The following CHN2 variants were observed in gnomAD, a reference collection of about 807,000 sequenced individuals.
The protein encoded by CHN2 is beta-chimaerin.
Under a neutral mutation model 56.3 loss-of-function variants are expected in CHN2, and 35 were observed. The observed-to-expected ratio is 0.62, with a 90% CI of 0.47 to 0.82. The LOEUF (loss-of-function observed/expected upper bound fraction) is 0.82. Among genes scored for constraint, CHN2 ranks in the 40% least tolerant of loss-of-function variants. The pLI, the probability that CHN2 is intolerant of heterozygous loss-of-function variation, is 0.00. For synonymous variants in CHN2, 210 were observed against 212.8 expected (o/e 0.99, Z 0.12); for missense variants, 491 against 580.5 (o/e 0.85, Z 1.58).
chr7:29,309,716 A>G (rs1794443087), intron 1 of CHN2, among the ~76,000 whole-genome samples: 1 of 152,226 alleles, frequency 6.6e-6, no homozygotes, highest in Non-Finnish European at 1.5e-5. Context: ...GCTGATGGGA[A>G]TAGGTTCTGG....
At chr7:29,289,686 GC>G (rs1433601163) in intron 1 of CHN2, among the ~76,000 whole-genome samples, 1 of 152,214 alleles carries the variant, frequency 6.6e-6, no homozygotes, top group Non-Finnish European at 1.5e-5. Context: ...ATATGCCCCA[GC>G]ACTTCCTACA....
intron 1 of CHN2, among the ~76,000 whole-genome samples, chr7:29,233,575 A>C (rs181390298): frequency 4.8e-4 from 73 of 152,262 alleles, no homozygotes; most frequent in Admixed American, 4.3e-3. Context: ...TTTTGAGATT[A>C]AGGAGATTAT....
chr7:29,455,315 G>T (rs756085819), intron 6 of CHN2, among the ~76,000 whole-genome samples: 2 of 152,198 alleles, frequency 1.3e-5, no homozygotes, highest in Non-Finnish European at 2.9e-5. Flanking sequence ...CATAATAAGA[G>T]TGTCAATCAG....
In CHN2 at chr7:29,212,407, C is replaced by A; in HGVS notation, c.49+17417C>A. 3 of 1,607,224 alleles carry A rather than the reference C, an allele frequency of 1.9e-6. No homozygotes were observed. The South Asian group carries it at 3.3e-5, about 18-fold the overall frequency. On this transcript the variant is annotated intron_variant, in intron 1 of 12. Transcript: ENST00000222792. ...ATTTGTGGGCCTGAAGAAAACTATC[C>A]ATCCTTGCAAATGTCTTCTGCTGAG...
chr7:29,498,866 A>T (rs572767307), intron 8 of CHN2, among the ~76,000 whole-genome samples: 13 of 144,740 alleles, frequency 9.0e-5, no homozygotes, highest in African/African-American at 3.1e-4. Context: ...GGTTCAAGTG[A>T]TTCTCCTGCC....
intron 6 of CHN2, among the ~76,000 whole-genome samples, chr7:29,403,754 T>C (rs913358970): frequency 1.3e-5 from 2 of 152,216 alleles, no homozygotes; most frequent in African/African-American, 4.8e-5. Context: ...AAAAACATTA[T>C]GATGTATGTG....
At chr7:29,431,873 T>C (rs13237641) in intron 6 of CHN2, among the ~76,000 whole-genome samples, 1 of 152,216 alleles carries the variant, frequency 6.6e-6, no homozygotes. Flanking sequence ...TTCCAGATGG[T>C]CCTGATGGCC....
intron 1 of CHN2, among the ~76,000 whole-genome samples, chr7:29,260,525 A>G (rs1243935824): frequency 1.3e-5 from 2 of 151,868 alleles, no homozygotes; most frequent in African/African-American, 4.8e-5. Context: ...GGGAATCTGG[A>G]GAAGGGGTGG....
chr7:29,321,358 G>A (rs1795330886), intron 1 of CHN2, among the ~76,000 whole-genome samples: 1 of 151,984 alleles, frequency 6.6e-6, no homozygotes, highest in Admixed American at 6.5e-5. Flanking sequence ...GGCACTAATA[G>A]GTAAGCTGAT....
chr7:29,290,884 AAAGG>A (rs1192431152), intron 1 of CHN2, among the ~76,000 whole-genome samples: 1 of 152,138 alleles, frequency 6.6e-6, no homozygotes, highest in African/African-American at 2.4e-5. Flanking sequence ...AACAGGAACA[AAAGG>A]AAGTAAAGGA....
Position 29,400,795 on chromosome 7 carries a change from C to T in CHN2, c.543C>T (p.Asn181=), listed in dbSNP as rs372063161. ...CTAAAAATGAACCAAGAAAAACAAA[C>T]GTCACACATGAAGAACACACAGCGG... is the stretch of plus-strand genomic sequence containing the variant. ...SRSKNEPRKT[N]VTHEEHTAVE... is the part of the protein sequence containing the mutation. The change falls in exon 6 of 13, where the codon AAC becomes AAT. Residue 181 remains asparagine, a synonymous_variant. Transcript: ENST00000222792. The T allele has an allele frequency of 5.0e-6, 8 of 1,613,842 alleles. No individual in the cohort carries two copies. Among genetic ancestry groups the T allele is most frequent in the African/African-American group, 4.0e-5 (3 of 74,878 alleles).
intron 6 of CHN2, among the ~76,000 whole-genome samples, chr7:29,403,835 A>G (rs1173302600): frequency 6.6e-6 from 1 of 152,260 alleles, no homozygotes; most frequent in Non-Finnish European, 1.5e-5. Flanking sequence ...CGCATTTCAG[A>G]ACTTATTCCA....
intron 2 of CHN2, among the ~76,000 whole-genome samples, chr7:29,154,612 T>G (rs1794079055): frequency 6.6e-6 from 1 of 152,114 alleles, no homozygotes; most frequent in Admixed American, 6.5e-5. Context: ...GGCAGGCAGA[T>G]TTCTTGAGGT....
chr7:29,261,174 T>G (rs1339236780), intron 1 of CHN2, among the ~76,000 whole-genome samples: 1 of 152,206 alleles, frequency 6.6e-6, no homozygotes, highest in Non-Finnish European at 1.5e-5. Flanking sequence ...TCTCCTATTA[T>G]TCTCCAAACA....
At chr7:29,418,378 C>G (rs1163807789) in intron 6 of CHN2, among the ~76,000 whole-genome samples, 1 of 152,188 alleles carries the variant, frequency 6.6e-6, no homozygotes, top group Admixed American at 6.5e-5. Flanking sequence ...AGAAAAGTTG[C>G]TGAGGGGCTT....
intron 1 of CHN2, among the ~76,000 whole-genome samples, chr7:29,273,343 G>A (rs56300362): frequency 1.4e-3 from 80 of 58,148 alleles, no homozygotes; most frequent in African/African-American, 3.9e-3. Context: ...ATATATATGT[G>A]TATATATATA....
At chr7:29,417,234 G>A (rs1242277728) in intron 6 of CHN2, among the ~76,000 whole-genome samples, 1 of 151,000 alleles carries the variant, frequency 6.6e-6, no homozygotes, top group Non-Finnish European at 1.5e-5. Flanking sequence ...CATTTGTTGA[G>A]AAAAGGAAGG....
At chr7:29,418,100 C>T (rs1233548162) in intron 6 of CHN2, among the ~76,000 whole-genome samples, 1 of 152,192 alleles carries the variant, frequency 6.6e-6, no homozygotes, top group Non-Finnish European at 1.5e-5. Context: ...TGGTTTTGAA[C>T]GGTGCTATTT....
At chr7:29,262,619 AAAGTGAAC>A (rs1269711396) in intron 1 of CHN2, among the ~76,000 whole-genome samples, 2 of 152,224 alleles carry the variant, frequency 1.3e-5, no homozygotes, top group African/African-American at 2.4e-5. Context: ...TTTGTCAATT[AAAGTGAAC>A]CTTCCTTACT....
Sources: gnomAD v4.1 joint callset for allele counts (sites outside exome capture counted in the v4.1 genomes callset) on GRCh38, gnomAD v4.1.1 for gene constraint, MANE v1.5 for transcripts, NCBI Gene and HGNC (gene_info 2026-07-23, HGNC 2026-07-21) for gene names.